The following DIP2C variants were observed in gnomAD, a reference collection of about 807,000 sequenced individuals.
DIP2C encodes the protein disco-interacting protein 2 homolog C.
DIP2C carries 33 observed loss-of-function variants against 192.4 expected under a neutral mutation model. The observed-to-expected ratio is 0.17, with a 90% CI of 0.13 to 0.23. The LOEUF is 0.23. Ranked by LOEUF, DIP2C falls within the 10% of genes least tolerant of loss-of-function variation. The pLI is 1.00. For synonymous variants in DIP2C, 979 were observed against 864.1 expected, an observed-to-expected ratio of 1.13 and a Z score of -2.33; for missense variants, 1,537 against 2,110.1, an observed-to-expected ratio of 0.73 and a Z score of 5.32.
chr10:449,287 C>CG (rs1362516733), intron 3 of DIP2C, among the ~76,000 whole-genome samples: 1 of 152,166 alleles, frequency 6.6e-6, no homozygotes, highest in Admixed American at 6.5e-5. Flanking sequence ...TAACAAAAGT[C>CG]GACTTCTCCA....
intron 1 of DIP2C, among the ~76,000 whole-genome samples, chr10:614,054 C>G (rs1293629574): frequency 3.3e-5 from 5 of 152,230 alleles, no homozygotes; most frequent in Non-Finnish European, 1.5e-5. Flanking sequence ...CAGTCACCAA[C>G]AGCCAACGCT....
chr10:411,785 G>T (rs10904167), intron 8 of DIP2C, among the ~76,000 whole-genome samples: 58,650 of 152,004 alleles, frequency 0.39, 11,374 homozygotes, highest in Non-Finnish European at 0.41. Context: ...CTGACTCATC[G>T]TAGCAACACC....
chr10:553,944 TG>T (rs1438172646), intron 1 of DIP2C, among the ~76,000 whole-genome samples: 2 of 140,564 alleles, frequency 1.4e-5, no homozygotes, highest in Non-Finnish European at 3.0e-5. Flanking sequence ...AGGCAAGAAA[TG>T]ATACCTCATA....
At position 450,532 on chromosome 10, in the gene DIP2C, CTG is replaced by C. The variant is rs967079985; in HGVS notation, c.269-9538_269-9537del. 8.5e-5 allele frequency among the ~76,000 whole-genome samples: 13 copies of C among 152,262 alleles called. No homozygotes were observed. In the South Asian group the frequency reaches 2.1e-3, roughly 24 times the overall value. ...ATGTTGACATTGAAAATAAAAAAGACTGTATAAAAATGATGCAGAGAATTCTT... is the reference window on the plus strand; with the variant it reads ...ATGTTGACATTGAAAATAAAAAAGACTATAAAAATGATGCAGAGAATTCTT... On this transcript the variant is annotated intron_variant, in intron 3 of 36. Transcript: ENST00000280886.
At chr10:432,483 ATAT>A (rs1253580210) in intron 4 of DIP2C, among the ~76,000 whole-genome samples, 1 of 152,140 alleles carries the variant, frequency 6.6e-6, no homozygotes. Flanking sequence ...GTTTTTCATA[ATAT>A]TTATTATCCT....
intron 1 of DIP2C, among the ~76,000 whole-genome samples, chr10:681,658 C>T (rs1176938292): frequency 6.6e-6 from 1 of 152,010 alleles, no homozygotes; most frequent in Non-Finnish European, 1.5e-5. Flanking sequence ...GACCCTCAGT[C>T]ACATGGTACA....
At chr10:374,250 C>T (rs1392426970) in intron 17 of DIP2C, among the ~76,000 whole-genome samples, 1 of 152,032 alleles carries the variant, frequency 6.6e-6, no homozygotes, top group Admixed American at 6.6e-5. Context: ...AATATACATA[C>T]CTAGAAAGAA....
chr10:646,900 A>T (rs1281661947), intron 1 of DIP2C, among the ~76,000 whole-genome samples: 1 of 152,236 alleles, frequency 6.6e-6, no homozygotes, highest in African/African-American at 2.4e-5. Context: ...TGCTAGAATT[A>T]TGTTCTGTTC....
chr10:631,358 C>G (rs1462207592), intron 1 of DIP2C: 1 of 152,250 alleles, frequency 6.6e-6, no homozygotes, highest in Non-Finnish European at 1.5e-5. Context: ...TGTTCCCAGG[C>G]TTCCGTCAGC....
intron 3 of DIP2C, among the ~76,000 whole-genome samples, chr10:459,144 T>C (rs565210338): frequency 2.0e-5 from 3 of 152,272 alleles, no homozygotes; most frequent in African/African-American, 7.2e-5. Flanking sequence ...AAATCAAAAC[T>C]TTTTAAAAAA....
chr10:287,722 C>T (rs1266512573), intron 33 of DIP2C, among the ~76,000 whole-genome samples: 1 of 150,002 alleles, frequency 6.7e-6, no homozygotes, highest in African/African-American at 2.4e-5. Flanking sequence ...ATCTTTCTTG[C>T]CCTTTAGTTC....
In DIP2C at chr10:592,568, G is replaced by A. The variant is rs377084910; in HGVS notation, c.85+96926C>T. 1.9e-3 allele frequency among the ~76,000 whole-genome samples: 290 copies of A among 151,744 alleles called. 2 individuals carry two copies. The highest frequency in any genetic ancestry group is 5.1e-3 in the African/African-American group (211 of 41,042). On this transcript the variant is annotated intron_variant, in intron 1 of 36. Coordinates refer to ENST00000280886, the MANE Select transcript of DIP2C (RefSeq NM_014974.3). ...GTGAACTGACTAGGTGGAATTCCTC[G>A]ATTACAGGTGTCTGCTTAGAAAGGG...
chr10:622,789 T>A (rs1034608343), intron 1 of DIP2C, among the ~76,000 whole-genome samples: 1 of 152,164 alleles, frequency 6.6e-6, no homozygotes, highest in Non-Finnish European at 1.5e-5. Context: ...CAGGTGGGAA[T>A]GTTAAGCTCA....
Position 432,084 on chromosome 10 carries a change from AT to A in DIP2C, c.394+8786del, listed in dbSNP as rs201658469. 5.1e-3 allele frequency among the ~76,000 whole-genome samples: 753 copies of A among 146,704 alleles called. 5 individuals carry two copies. The highest frequency in any genetic ancestry group is 0.014 in the Middle Eastern group (4 of 282). ...AAATTCCACTTGGTTTTGGTGCACA[AT>A]TTTTTTTTTTTACACTGTTGGATTT... is the stretch of plus-strand genomic sequence containing the variant. On this transcript the variant is annotated intron_variant, in intron 4 of 36. Coordinates refer to ENST00000280886, the MANE Select transcript of DIP2C (RefSeq NM_014974.3).
chr10:550,404 C>A (rs1313668692), intron 1 of DIP2C, among the ~76,000 whole-genome samples: 1 of 152,228 alleles, frequency 6.6e-6, no homozygotes, highest in Non-Finnish European at 1.5e-5. Context: ...CAGGTGGCCA[C>A]TGACCACAGA....
chr10:279,286 A>G (rs1336010079), intron 36 of DIP2C, among the ~76,000 whole-genome samples: 1 of 152,192 alleles, frequency 6.6e-6, no homozygotes, highest in Admixed American at 6.5e-5. Flanking sequence ...CATATCACAG[A>G]TATAGACGTC....
At chr10:491,016 G>A (rs1313367249) in intron 1 of DIP2C, among the ~76,000 whole-genome samples, 1 of 152,208 alleles carries the variant, frequency 6.6e-6, no homozygotes, top group Admixed American at 6.5e-5. Context: ...TCTTACAAAA[G>A]CAGGGAAAGG....
At chr10:522,267 C>T (rs910240709) in intron 1 of DIP2C, among the ~76,000 whole-genome samples, 6 of 152,200 alleles carry the variant, frequency 3.9e-5, no homozygotes, top group African/African-American at 1.4e-4. Flanking sequence ...TGGTCCAGTT[C>T]TTTTTAGTGT....
intron 1 of DIP2C, among the ~76,000 whole-genome samples, chr10:609,472 A>G (rs1004792433): frequency 2.0e-5 from 3 of 152,260 alleles, no homozygotes; most frequent in Non-Finnish European, 4.4e-5. Context: ...TTCAATCAGC[A>G]TCAGTCTCTC....
Sources: gnomAD v4.1 joint callset for allele counts (sites outside exome capture counted in the v4.1 genomes callset) on GRCh38, gnomAD v4.1.1 for gene constraint, MANE v1.5 for transcripts, NCBI Gene and HGNC (gene_info 2026-07-23, HGNC 2026-07-21) for gene names.